The following KCNT1 variants were observed in gnomAD, a reference collection of about 807,000 sequenced individuals.
KCNT1 encodes potassium channel subfamily T member 1.
A neutral mutation model predicts 147.8 loss-of-function variants in KCNT1; 78 were observed. That is an observed-to-expected ratio of 0.53 (90% CI 0.44 to 0.64). KCNT1 has a LOEUF of 0.64. Ranked by LOEUF, KCNT1 falls within the 30% of genes least tolerant of loss-of-function variation. The pLI is 0.00. For synonymous variants in KCNT1, 867 were observed against 748.8 expected, an observed-to-expected ratio of 1.16 and a Z score of -2.58; for missense variants, 1,419 against 1,750.3, an observed-to-expected ratio of 0.81 and a Z score of 3.38.
Position 135,770,884 on chromosome 9 carries a change from G to T in KCNT1, c.1797G>T (p.Lys599Asn), listed in dbSNP as rs762247965. 6.3e-7 allele frequency: 1 copy of T among 1,589,036 alleles called. No homozygotes were observed. Among genetic ancestry groups the T allele is most frequent in the Admixed American group, 1.8e-5 (1 of 56,062 alleles). ...ATGGCGTGTGCCTCATCGGGCTGAA[G>T]CGGGAGGACAACAAGAGCATCCTGC... ...KKYGVCLIGL[K>N]REDNKSILLN... Residue 599 changes from lysine to asparagine, a missense_variant, in exon 18 of 31, where the codon AAG becomes AAT. This residue lies in a region of KCNT1 where 284 missense variants were observed against 292.8 expected (regional missense o/e 0.97). Coordinates refer to ENST00000371757, the MANE Select transcript of KCNT1 (RefSeq NM_020822.3).
chr9:135,778,843 T>C, intron 23 of KCNT1, 21 bp downstream of exon 23: 1 of 1,611,456 alleles, frequency 6.2e-7, no homozygotes, highest in Non-Finnish European at 8.5e-7. Flanking sequence ...TGTCCGGGGC[T>C]CGGCTCTAAA....
intron 19 of KCNT1, among the ~76,000 whole-genome samples, 184 bp from the exon 20 acceptor site, chr9:135,775,126 G>C (rs78888390): frequency 6.6e-6 from 1 of 152,218 alleles, no homozygotes; most frequent in South Asian, 2.1e-4. Context: ...AGCTGGAGGA[G>C]CGTTTGCTGA....
intron 20 of KCNT1, among the ~76,000 whole-genome samples, chr9:135,776,862 C>G (rs955064574): frequency 3.9e-5 from 6 of 152,236 alleles, no homozygotes; most frequent in African/African-American, 1.4e-4. Context: ...TGCTTTCCAA[C>G]CGGAGATGTT....
intron 9 of KCNT1, 77 bp downstream of exon 9, chr9:135,757,458 G>A (rs909178744): frequency 1.3e-5 from 18 of 1,344,206 alleles, no homozygotes; most frequent in Middle Eastern, 4.1e-4. Flanking sequence ...GACACTGTGC[G>A]ACGTAGCCTG....
Position 135,714,643 on chromosome 9 carries a change from C to T in KCNT1, c.177C>T (p.Ser59=). ...GCTTCAAGATGAGCGACCTGGACTC[C>T]GAGGTGCTGCCCTTGCCGCCGCGCT... is the stretch of plus-strand genomic sequence containing the variant. ...TAGFKMSDLD[S]EVLPLPPRYR... Residue 59 remains serine (S), a synonymous_variant, in exon 2 of 31, where the codon TCC becomes TCT. Transcript: ENST00000371757. This position sits in a 1 kb window ranked among gnomAD's most constrained non-coding sequence, Gnocchi z 6.2. 1 of 1,479,670 alleles carries T rather than the reference C, an allele frequency of 6.8e-7. No homozygotes were observed. The highest frequency in any genetic ancestry group is 9.0e-7 in the Non-Finnish European group (1 of 1,105,340). The allele number at this position is 1,479,670 out of a possible 1,614,324, so 91.7% of individuals were successfully genotyped here.
chr9:135,784,579 G>T lies in KCNT1; in HGVS notation c.2988G>T (p.Leu996=). The T allele has an allele frequency of 6.3e-7, 1 of 1,582,260 alleles. No homozygotes were observed. The highest frequency in any genetic ancestry group is 1.7e-5 in the Admixed American group (1 of 58,282). Residue 996 remains leucine (L), a synonymous_variant, in exon 26 of 31, where the codon CTG becomes CTT. Coordinates refer to ENST00000371757, the MANE Select transcript of KCNT1 (RefSeq NM_020822.3). ...DYMITITRLL[L]GLDTTPGSGY... ...TGATCACCATCACCCGGCTGCTGCT[G>T]GGCCTGGACACCACGCCGGGCTCGG... is the stretch of plus-strand genomic sequence containing the variant.
intron 15 of KCNT1, 29 bp from the exon 16 acceptor site, chr9:135,769,918 G>C (rs1350557314): frequency 2.7e-6 from 4 of 1,497,764 alleles, no homozygotes; most frequent in Non-Finnish European, 3.6e-6. Flanking sequence ...CAGAGCGGCA[G>C]GTGGACCGGC....
chr9:135,755,331 G>A (rs189293281), intron 6 of KCNT1, among the ~76,000 whole-genome samples, 162 bp downstream of exon 6: 13 of 151,032 alleles, frequency 8.6e-5, no homozygotes, highest in Non-Finnish European at 1.3e-4. Flanking sequence ...TGAGCACTGA[G>A]GACAGACCCA....
Position 135,759,809 on chromosome 9 carries a change from C to T in KCNT1, c.985C>T (p.Leu329=), listed in dbSNP as rs147165522. 232 of 1,613,202 alleles carry T rather than the reference C, an allele frequency of 1.4e-4. No individual in the cohort carries two copies. The African/African-American group carries it at 2.9e-3, about 20-fold the overall frequency. Residue 329 remains leucine, a synonymous_variant, in exon 11 of 31, where the codon CTG becomes TTG. Transcript: ENST00000371757. ...CACGCCCAAGATCTGGCCATCGCAG[C>T]TGCTGGTGGTCATCATGATCTGCGT... is the stretch of plus-strand genomic sequence containing the variant. ...DVTPKIWPSQ[L]LVVIMICVAL... is the part of the protein sequence containing the mutation.
rs1208253390 is a variant in KCNT1 at position 135,732,024 on chromosome 9, A to AGAGG, written c.254+17307_254+17308insGGAG. Among the ~76,000 whole-genome samples, 175 of 65,072 alleles carry AGAGG rather than the reference A, an allele frequency of 2.7e-3. 14 individuals carry two copies. The highest frequency in any genetic ancestry group is 4.0e-3 in the Non-Finnish European group (125 of 31,438). 42.7% of individuals were successfully genotyped at this position (65,072 alleles called of 152,430 possible). The stretch of plus-strand genomic sequence containing the variant: ...GAGAGAGAGAGAGAGAGAGAGAGAG[A>AGAGG]GAGAGAGAGAGAGAGAGGGAGTCTC... On this transcript the variant is annotated intron_variant, in intron 2 of 30. Transcript: ENST00000371757.
At chr9:135,761,310 T>C (rs955319223) in intron 11 of KCNT1, among the ~76,000 whole-genome samples, 1 of 152,164 alleles carries the variant, frequency 6.6e-6, no homozygotes, top group African/African-American at 2.4e-5. Context: ...GGAACCACCA[T>C]GTGGGGTGGG....
At chr9:135,770,126 C>A in intron 16 of KCNT1, 71 bp downstream of exon 16, 1 of 1,441,040 alleles carries the variant, frequency 6.9e-7, no homozygotes, top group Non-Finnish European at 9.4e-7. Context: ...GCAGGGCCTG[C>A]TTGGGGGCGG....
intron 2 of KCNT1, among the ~76,000 whole-genome samples, chr9:135,717,714 GGCCTA>G (rs1297033946): frequency 6.6e-6 from 1 of 152,214 alleles, no homozygotes; most frequent in Non-Finnish European, 1.5e-5. Context: ...GTGCCCTAGA[GGCCTA>G]GGAGCCCGGG....
intron 2 of KCNT1, among the ~76,000 whole-genome samples, chr9:135,739,371 G>C (rs1022487236): frequency 6.6e-6 from 1 of 152,030 alleles, no homozygotes; most frequent in Non-Finnish European, 1.5e-5. Flanking sequence ...GCTGTGGCAC[G>C]CAGAGCCCCG....
rs140628824 is a variant in KCNT1 at position 135,792,059 on chromosome 9, C to T, written c.3606C>T (p.Asp1202=). ...PSDIVYLIRS[D]PLAHVASSSQ... is the part of the protein sequence containing the mutation. ...CCCGCAGCTATCTCATCCGCTCCGA[C>T]CCCCTGGCTCACGTGGCCAGCAGCT... Residue 1202 remains aspartate (D), a synonymous_variant, in exon 31 of 31, where the codon GAC becomes GAT. Coordinates refer to ENST00000371757, the MANE Select transcript of KCNT1 (RefSeq NM_020822.3). 1.5e-4 allele frequency: 246 copies of T among 1,604,188 alleles called. No homozygotes were observed. The African/African-American group carries it at 2.4e-3, about 16-fold the overall frequency.
At position 135,750,134 on chromosome 9, in the gene KCNT1, C is replaced by T. The variant is rs1831066581; in HGVS notation, c.291C>T (p.Phe97=). 6.2e-7 allele frequency: 1 copy of T among 1,613,700 alleles called. No homozygotes were observed. Among genetic ancestry groups the T allele is most frequent in the Admixed American group, 1.7e-5 (1 of 59,986 alleles). The change falls in exon 3 of 31, where the codon TTC becomes TTT. Residue 97 remains phenylalanine (F), a synonymous_variant. Transcript: ENST00000371757. The part of the protein sequence containing the change: ...QVEFYVNENT[F]KERLKLFFIK... ...AGTTCTACGTCAACGAGAACACCTT[C>T]AAGGAGCGGCTCAAGCTGTTCTTCA...
chr9:135,782,895 A>G (rs538478629), intron 24 of KCNT1, among the ~76,000 whole-genome samples: 30 of 152,138 alleles, frequency 2.0e-4, no homozygotes, highest in Non-Finnish European at 4.1e-4. Flanking sequence ...AACTAATTCC[A>G]CTGTTTCTCA....
chr9:135,770,832 T>C (rs888569191), intron 17 of KCNT1, 25 bp from the exon 18 acceptor site: 2 of 1,546,496 alleles, frequency 1.3e-6, no homozygotes, highest in African/African-American at 1.4e-5. Flanking sequence ...CGGCGGTACC[T>C]GAAGTTGCCG....
rs2131604834 is a variant in KCNT1 at position 135,791,861 on chromosome 9, G to A, written c.3567G>A (p.Arg1189=). Residue 1189 remains arginine (R), a synonymous_variant, in exon 30 of 31, where the codon AGG becomes AGA. Transcript: ENST00000371757. Reference sequence around the variant, plus strand: ...TCATCAACCCTCCGCCCGACACGAGGCTGGAGCCCAGTGACATTGTGTGAG... The same window carrying A: ...TCATCAACCCTCCGCCCGACACGAGACTGGAGCCCAGTGACATTGTGTGAG... ...YVLINPPPDT[R]LEPSDIVYLI... The A allele has an allele frequency of 6.2e-7, 1 of 1,613,902 alleles. No individual in the cohort carries two copies. Among genetic ancestry groups the A allele is most frequent in the East Asian group, 2.2e-5 (1 of 44,872 alleles).
Sources: gnomAD v4.1 joint callset for allele counts (sites outside exome capture counted in the v4.1 genomes callset) on GRCh38, gnomAD v4.1.1 for gene constraint, gnomAD v4.1.1 regional missense constraint, Gnocchi (gnomAD v3.1) non-coding constraint, MANE v1.5 for transcripts, NCBI Gene and HGNC (gene_info 2026-07-23, HGNC 2026-07-21) for gene names.